Variants in LINGO2 observed in about 807,000 individuals in gnomAD.
The protein encoded by LINGO2 is leucine rich repeat and Ig domain containing 2, also known as leucine-rich repeat and immunoglobulin-like domain-containing nogo receptor-interacting protein 2.
In LINGO2, 14 loss-of-function variants were observed where a neutral mutation model predicts 30.6. The ratio of observed to expected loss-of-function variants is 0.46; its 90% CI spans 0.30 to 0.72. The LOEUF (loss-of-function observed/expected upper bound fraction) is 0.72. LINGO2 is among the 30% of genes least tolerant of loss of function. LINGO2 has a pLI of 0.07. For synonymous variants in LINGO2, 317 were observed against 288.5 expected (o/e 1.10, Z -1.00); for missense variants, 729 against 751.7 (o/e 0.97, Z 0.35).
intron 4 of LINGO2, among the ~76,000 whole-genome samples, chr9:28,207,197 A>G (rs1820437945): frequency 6.6e-6 from 1 of 152,132 alleles, no homozygotes; most frequent in East Asian, 1.9e-4. Flanking sequence ...AATAATTGCT[A>G]TTCAAACTCA....
At chr9:28,349,838 C>T (rs1398796106) in intron 3 of LINGO2, among the ~76,000 whole-genome samples, 7 of 151,998 alleles carry the variant, frequency 4.6e-5, no homozygotes, top group East Asian at 1.9e-4. Flanking sequence ...GACTGGGGGC[C>T]GATATTCAAC....
chr9:29,001,440 T>A, the LINGO2 span, among the ~76,000 whole-genome samples: 1 of 152,010 alleles, frequency 6.6e-6, no homozygotes, highest in Non-Finnish European at 1.5e-5. Context: ...TGTACCACAC[T>A]GCTCACTGCA....
chr9:28,372,041 G>A (rs1438462743), intron 3 of LINGO2, among the ~76,000 whole-genome samples: 1 of 152,064 alleles, frequency 6.6e-6, no homozygotes, highest in Non-Finnish European at 1.5e-5. Context: ...ATGTAACTAG[G>A]ATTCATTGAT....
chr9:28,753,816 G>T, the LINGO2 span, among the ~76,000 whole-genome samples: 3 of 151,970 alleles, frequency 2.0e-5, no homozygotes, highest in Non-Finnish European at 4.4e-5. Context: ...GTGAGGAAAA[G>T]AATACTCCAT....
the LINGO2 span, among the ~76,000 whole-genome samples, chr9:28,777,657 G>A: frequency 3.3e-5 from 5 of 152,162 alleles, no homozygotes; most frequent in African/African-American, 4.8e-5. Flanking sequence ...AGGAATGTGC[G>A]TCATATAATC....
At chr9:28,036,640 C>T (rs1397009391) in intron 4 of LINGO2, among the ~76,000 whole-genome samples, 1 of 152,114 alleles carries the variant, frequency 6.6e-6, no homozygotes, top group Non-Finnish European at 1.5e-5. Flanking sequence ...AGACTTTAGC[C>T]CAAAGATTGG....
intron 1 of LINGO2, among the ~76,000 whole-genome samples, chr9:28,651,499 T>C (rs1269105941): frequency 6.6e-6 from 1 of 152,060 alleles, no homozygotes; most frequent in African/African-American, 2.4e-5. Context: ...AACCAGTAAA[T>C]GTGTCCTGTG....
At chr9:28,489,720 ACT>A (rs1826312971) in intron 1 of LINGO2, among the ~76,000 whole-genome samples, 1 of 151,344 alleles carries the variant, frequency 6.6e-6, no homozygotes, top group African/African-American at 2.4e-5. Context: ...AACATGGGAC[ACT>A]CTGTCTCGAC....
chr9:28,960,528 C>G, the LINGO2 span, among the ~76,000 whole-genome samples: 1 of 150,106 alleles, frequency 6.7e-6, no homozygotes, highest in Non-Finnish European at 1.5e-5. Context: ...GAAAATGTCT[C>G]TGTGTGTTGT....
At chr9:28,714,410 C>T in the LINGO2 span, among the ~76,000 whole-genome samples, 1 of 151,920 alleles carries the variant, frequency 6.6e-6, no homozygotes, top group African/African-American at 2.4e-5. Flanking sequence ...AGATTTTGCA[C>T]TAAATCTGCC....
intron 1 of LINGO2, among the ~76,000 whole-genome samples, chr9:28,582,460 C>G (rs1036642356): frequency 1.6e-4 from 24 of 151,960 alleles, no homozygotes; most frequent in African/African-American, 5.6e-4. Context: ...TGAAAGTTAG[C>G]AAGTTAGTAA....
chr9:28,678,667 A>C, the LINGO2 span, among the ~76,000 whole-genome samples: 2 of 152,140 alleles, frequency 1.3e-5, no homozygotes, highest in African/African-American at 4.8e-5. Context: ...TTATACAACT[A>C]AGCACTCAGA....
chr9:28,321,782 C>T (rs985521934), intron 3 of LINGO2, among the ~76,000 whole-genome samples: 4 of 152,054 alleles, frequency 2.6e-5, no homozygotes, highest in Admixed American at 6.6e-5. Context: ...TAGGTCATGT[C>T]CTGGGTTGGG....
intron 2 of LINGO2, among the ~76,000 whole-genome samples, chr9:28,433,913 T>TGCTC (rs1275503922): frequency 5.0e-5 from 5 of 100,214 alleles, no homozygotes; most frequent in African/African-American, 1.7e-4. Context: ...AAAGAAAATG[T>TGCTC]GCTCTCTCTT....
chr9:28,499,128 TA>T (rs1040759817), intron 1 of LINGO2, among the ~76,000 whole-genome samples: 45 of 152,306 alleles, frequency 3.0e-4, no homozygotes, highest in African/African-American at 1.0e-3. Flanking sequence ...ATAACTGCTA[TA>T]AAGTTTCCCT....
the LINGO2 span, among the ~76,000 whole-genome samples, chr9:28,704,836 A>G: frequency 6.6e-6 from 1 of 151,992 alleles, no homozygotes; most frequent in Non-Finnish European, 1.5e-5. Flanking sequence ...TAGGGCCCTT[A>G]GCATGTTATT....
chr9:28,078,355 G>T (rs1335141632), intron 4 of LINGO2, among the ~76,000 whole-genome samples: 1 of 148,802 alleles, frequency 6.7e-6, no homozygotes, highest in Non-Finnish European at 1.5e-5. Context: ...GAGCAGAATA[G>T]GTATTAAAGG....
At chr9:28,036,386 C>A (rs1197933) in intron 4 of LINGO2, among the ~76,000 whole-genome samples, 137,911 of 152,216 alleles carry the variant, frequency 0.91, 62,533 homozygotes, top group East Asian at 0.98. Flanking sequence ...AGACACACAT[C>A]CAGGGTAAAG....
the LINGO2 span, among the ~76,000 whole-genome samples, chr9:28,821,800 A>G: frequency 6.6e-6 from 1 of 152,168 alleles, no homozygotes; most frequent in South Asian, 2.1e-4. Flanking sequence ...CTGGTTCCAC[A>G]TGAAGTATAG....
Sources: gnomAD v4.1 joint callset for allele counts (sites outside exome capture counted in the v4.1 genomes callset) on GRCh38, gnomAD v4.1.1 for gene constraint, MANE v1.5 for transcripts, NCBI Gene and HGNC (gene_info 2026-07-23, HGNC 2026-07-21) for gene names.